LRRC4C: variants seen among roughly 807,000 people sequenced by gnomAD.
LRRC4C encodes the protein leucine rich repeat containing 4C, also known as leucine-rich repeat-containing protein 4C.
A neutral mutation model predicts 33.6 loss-of-function variants in LRRC4C; 5 were observed. The ratio of observed to expected loss-of-function variants is 0.15; its 90% CI spans 0.08 to 0.31. The LOEUF is 0.31. Ranked by LOEUF, LRRC4C falls within the 10% of genes least tolerant of loss-of-function variation. The pLI, the probability that LRRC4C is intolerant of heterozygous loss-of-function variation, is 1.00. For synonymous variants in LRRC4C, 329 were observed against 302.0 expected (o/e 1.09, Z -0.93); for missense variants, 560 against 796.7 (o/e 0.70, Z 3.58).
chr11:40,815,199 C>T (rs917537346), intron 2 of LRRC4C, among the ~76,000 whole-genome samples: 17 of 152,126 alleles, frequency 1.1e-4, no homozygotes, highest in East Asian at 1.9e-4. Flanking sequence ...GAATGAGGAG[C>T]GAAGTCATGT....
At position 40,115,970 on chromosome 11, in the gene LRRC4C, C is replaced by T. The variant is rs766507191; in HGVS notation, c.323G>A (p.Ser108Asn). 1 of 1,614,120 alleles carries T rather than the reference C, an allele frequency of 6.2e-7. No individual in the cohort carries two copies. Among genetic ancestry groups the T allele is most frequent in the Non-Finnish European group, 8.5e-7 (1 of 1,180,020 alleles). ...HLRHLEILQL[S>N]RNHIRTIEIG... ...TTCAATGGTTCTGATATGGTTCCTACTCAACTGTAGGATTTCCAAGTGTCT... is the reference window on the plus strand; with the variant it reads ...TTCAATGGTTCTGATATGGTTCCTATTCAACTGTAGGATTTCCAAGTGTCT... The change falls in exon 7 of 7, where the codon AGT becomes AAT. Residue 108 changes from serine to asparagine, a missense_variant. Ser to Asn is a conservative substitution (Grantham distance 46). Coordinates refer to ENST00000528697, the MANE Select transcript of LRRC4C (RefSeq NM_001258419.2). This position sits in a 1 kb window ranked among gnomAD's most constrained non-coding sequence, Gnocchi z 6.7.
At chr11:40,351,733 A>G (rs1947397345) in intron 3 of LRRC4C, 1 of 150,492 alleles carries the variant, frequency 6.6e-6, no homozygotes, top group African/African-American at 2.4e-5. Flanking sequence ...TGTATTTACA[A>G]TCATTATATC....
intron 1 of LRRC4C, among the ~76,000 whole-genome samples, chr11:41,108,626 A>G (rs2135682004): frequency 6.6e-6 from 1 of 152,264 alleles, no homozygotes; most frequent in East Asian, 1.9e-4. Flanking sequence ...ATGAAGCTGA[A>G]GGTAATAAAA....
At chr11:40,223,047 A>G (rs1864532579) in intron 5 of LRRC4C, among the ~76,000 whole-genome samples, 1 of 152,142 alleles carries the variant, frequency 6.6e-6, no homozygotes, top group African/African-American at 2.4e-5. Flanking sequence ...AAGAAAATAT[A>G]AGAAATATAC....
rs568283753 is a variant in LRRC4C, at chr11:40,848,058, A to T, written c.-407+85577T>A. On this transcript the variant is annotated intron_variant, in intron 2 of 6. Transcript: ENST00000528697. ...ATTCTTCTCTCTTTTCTTCGTTATT[A>T]TTCTGGCTAGTGGTCTATCTATCTA... 1.4e-4 allele frequency among the ~76,000 whole-genome samples: 19 copies of T among 137,052 alleles called. No homozygotes were observed. The South Asian group carries it at 4.8e-3, about 34-fold the overall frequency. The allele number at this position is 137,052 out of a possible 152,430, so 89.9% of individuals were successfully genotyped here. A position where few individuals can be genotyped will look rare whatever the true frequency, so the allele number is the denominator to read the frequency against.
chr11:40,507,738 ATTTT>A (rs5791383), intron 3 of LRRC4C, among the ~76,000 whole-genome samples: 12 of 135,104 alleles, frequency 8.9e-5, no homozygotes, highest in African/African-American at 2.2e-4. Flanking sequence ...ACTAGATTTA[ATTTT>A]TTTTTTTTTT....
chr11:41,389,238 A>G (rs1476123014), intron 1 of LRRC4C, among the ~76,000 whole-genome samples: 1 of 151,862 alleles, frequency 6.6e-6, no homozygotes, highest in African/African-American at 2.4e-5. Flanking sequence ...TAGGTCCCAC[A>G]AAATGCTGTG....
chr11:41,050,944 C>T (rs1174774424), intron 1 of LRRC4C, among the ~76,000 whole-genome samples: 1 of 152,146 alleles, frequency 6.6e-6, no homozygotes, highest in Non-Finnish European at 1.5e-5. Flanking sequence ...TACATTTCCT[C>T]TCAGACAATG....
chr11:40,418,691 C>T (rs746843123), intron 3 of LRRC4C, among the ~76,000 whole-genome samples: 6 of 152,110 alleles, frequency 3.9e-5, no homozygotes, highest in Admixed American at 6.5e-5. Flanking sequence ...TTCACAATAG[C>T]GAAGGCACGG....
chr11:41,167,340 C>G (rs1354917413), intron 1 of LRRC4C, among the ~76,000 whole-genome samples: 1 of 152,152 alleles, frequency 6.6e-6, no homozygotes, highest in African/African-American at 2.4e-5. Context: ...ACAGTGCTTT[C>G]CCTCTTGGAC....
intron 2 of LRRC4C, among the ~76,000 whole-genome samples, chr11:40,770,589 C>T (rs561986202): frequency 1.3e-5 from 2 of 152,202 alleles, no homozygotes; most frequent in Non-Finnish European, 2.9e-5. Flanking sequence ...ACCCCAAATT[C>T]CAAGTCCATA....
intron 5 of LRRC4C, among the ~76,000 whole-genome samples, chr11:40,189,696 C>T (rs900754740): frequency 1.5e-4 from 23 of 152,256 alleles, no homozygotes; most frequent in African/African-American, 5.3e-4. Flanking sequence ...TTTTATTTTA[C>T]TTAAATAAGG....
chr11:41,151,462 G>T (rs1039872539), intron 1 of LRRC4C, among the ~76,000 whole-genome samples: 9 of 152,174 alleles, frequency 5.9e-5, no homozygotes, highest in African/African-American at 2.2e-4. Context: ...ATACTTAGTG[G>T]CTACTTAGTG....
intron 2 of LRRC4C, among the ~76,000 whole-genome samples, chr11:40,787,062 G>T (rs1454244458): frequency 6.6e-6 from 1 of 152,090 alleles, no homozygotes; most frequent in Non-Finnish European, 1.5e-5. Context: ...TGCCAAATAA[G>T]TTTTACCAGG....
At chr11:40,216,309 A>G (rs905618345) in intron 5 of LRRC4C, among the ~76,000 whole-genome samples, 2 of 152,152 alleles carry the variant, frequency 1.3e-5, no homozygotes, top group Non-Finnish European at 2.9e-5. Flanking sequence ...GTAGATTTCT[A>G]CTATGACTGG....
At chr11:40,359,796 G>A (rs1947864311) in intron 3 of LRRC4C, among the ~76,000 whole-genome samples, 1 of 152,116 alleles carries the variant, frequency 6.6e-6, no homozygotes, top group South Asian at 2.1e-4. Flanking sequence ...AGCATTTTAT[G>A]CCGTCTAAAA....
At chr11:40,709,710 A>G (rs968088365) in intron 2 of LRRC4C, among the ~76,000 whole-genome samples, 11 of 151,818 alleles carry the variant, frequency 7.2e-5, no homozygotes, top group African/African-American at 2.7e-4. Flanking sequence ...TGTTCTCTGT[A>G]TTTCCTGAAT....
intron 1 of LRRC4C, among the ~76,000 whole-genome samples, chr11:41,072,462 C>T (rs1242791738): frequency 6.6e-6 from 1 of 151,898 alleles, no homozygotes; most frequent in Non-Finnish European, 1.5e-5. Context: ...GTTCCTGTGA[C>T]AGAGTTCTTA....
At chr11:41,040,754 G>C (rs1377781119) in intron 1 of LRRC4C, among the ~76,000 whole-genome samples, 1 of 152,118 alleles carries the variant, frequency 6.6e-6, no homozygotes, top group Non-Finnish European at 1.5e-5. Context: ...GAAAATCAAA[G>C]GGTTTAATAT....
Sources: allele counts gnomAD v4.1 joint callset (sites outside exome capture counted in the v4.1 genomes callset), GRCh38; gene constraint gnomAD v4.1.1; non-coding constraint Gnocchi (gnomAD v3.1); transcripts MANE v1.5; gene names NCBI Gene and HGNC (gene_info 2026-07-23, HGNC 2026-07-21).